PNKP: variants seen among roughly 807,000 people sequenced by gnomAD.
PNKP encodes bifunctional polynucleotide phosphatase/kinase.
PNKP carries 82 observed loss-of-function variants against 66.2 expected under a neutral mutation model. The ratio of observed to expected loss-of-function variants is 1.24; its 90% CI spans 1.04 to 1.49. The LOEUF is 1.49. Ranked by LOEUF, PNKP falls within the 40% of genes most tolerant of loss-of-function variation. The pLI, the probability that PNKP is intolerant of heterozygous loss-of-function variation, is 0.00. For synonymous variants in PNKP, 412 were observed against 298.9 expected (o/e 1.38, Z -3.90); for missense variants, 907 against 706.8 (o/e 1.28, Z -3.21).
chr19:49,865,005 A>G (rs2074807227), intron 4 of PNKP, 122 bp downstream of exon 4: 2 of 758,424 alleles, frequency 2.6e-6, no homozygotes, highest in Non-Finnish European at 4.4e-6. Context: ...CGATCCCTGC[A>G]TTTATCATTA....
chr19:49,861,496 C>CGTCA lies in PNKP; in HGVS notation c.1397_1400dup (p.Ser469GlyfsTer26). The stretch of plus-strand genomic sequence containing the variant: ...CTGACACGGGGATATGAGAGGAGTC[C>CGTCA]GTCATCTCTCGAAACTGTGGGGAAC... On this transcript the variant is annotated frameshift_variant, in exon 16 of 17. Coordinates refer to ENST00000322344, the MANE Select transcript of PNKP (RefSeq NM_007254.4). LOFTEE classifies it low-confidence loss of function (END_TRUNC). The CGTCA allele has an allele frequency of 6.2e-7, 1 of 1,611,844 alleles. No individual in the cohort carries two copies. Among genetic ancestry groups the CGTCA allele is most frequent in the African/African-American group, 1.3e-5 (1 of 74,498 alleles).
At chr19:49,862,323 C>T (rs761908364) in intron 11 of PNKP, 42 bp from the exon 12 acceptor site, 1 of 1,539,760 alleles carries the variant, frequency 6.5e-7, no homozygotes, top group Non-Finnish European at 8.8e-7. Context: ...CGTCCCCATC[C>T]CCGGGAGCCC....
rs557607051 is a variant in PNKP at position 49,866,600 on chromosome 19, T to A, written c.152-155A>T. ...GGCTCCTTGACATGCAGTAGCCAGA[T>A]AGTGGCACTAGGATTGCCTGACACT... On this transcript the variant is annotated intron_variant, in intron 2 of 16. Coordinates refer to ENST00000322344, the MANE Select transcript of PNKP (RefSeq NM_007254.4). 6.3e-5 allele frequency: 47 copies of A among 743,868 alleles called. No individual in the cohort carries two copies. The African/African-American group carries it at 7.2e-4, about 11-fold the overall frequency. The allele number at this position is 743,868 out of a possible 1,614,324, so 46.1% of individuals were successfully genotyped here.
At position 49,865,152 on chromosome 19, in the gene PNKP, G is replaced by T; in HGVS notation, c.473C>A (p.Ala158Glu). 6.2e-7 allele frequency: 1 copy of T among 1,614,130 alleles called. No homozygotes were observed. The highest frequency in any genetic ancestry group is 1.7e-5 in the Admixed American group (1 of 60,028). ...ENLEKLLVFT[A>E]AGVKPQGKVA... Reference sequence around the variant, plus strand: ...CTTGCCCTGGGGTTTCACCCCAGCTGCGGTGAACACTAGCAACTTCTCCAA... The same window carrying T: ...CTTGCCCTGGGGTTTCACCCCAGCTTCGGTGAACACTAGCAACTTCTCCAA... Residue 158 changes from alanine (A) to glutamate (E), a missense_variant, in exon 4 of 17, where the codon GCA becomes GAA. Transcript: ENST00000322344.
intron 3 of PNKP, 148 bp from the exon 4 acceptor site, chr19:49,865,574 G>T: frequency 5.1e-6 from 3 of 591,056 alleles, no homozygotes; most frequent in Non-Finnish European, 6.0e-6. Flanking sequence ...CTTTGGAACG[G>T]TTACAGGTTT....
Position 49,867,549 on chromosome 19 carries a change from G to T in PNKP, c.-94C>A, listed in dbSNP as rs1374087243. On this transcript the variant is annotated 5_prime_UTR_variant, in exon 1 of 17. Coordinates refer to ENST00000322344, the MANE Select transcript of PNKP (RefSeq NM_007254.4). Reference sequence around the variant, plus strand: ...GTGCCCCGCCTGCAACCCGGCCGGCGGCGGTCGGTTCCTCGGCGGACGGAA... The same window carrying T: ...GTGCCCCGCCTGCAACCCGGCCGGCTGCGGTCGGTTCCTCGGCGGACGGAA... 2 of 249,798 alleles carry T rather than the reference G, an allele frequency of 8.0e-6. No homozygotes were observed. Among genetic ancestry groups the T allele is most frequent in the African/African-American group, 6.6e-5 (2 of 30,104 alleles). The allele number at this position is 249,798 out of a possible 1,614,324, so 15.5% of individuals were successfully genotyped here. A position where few individuals can be genotyped will look rare whatever the true frequency, so the allele number is the denominator to read the frequency against.
At position 49,867,542 on chromosome 19, in the gene PNKP, G is replaced by A. The variant is rs1424884460; in HGVS notation, c.-87C>T. The A allele has an allele frequency of 1.1e-5, 4 of 366,170 alleles. No homozygotes were observed. The highest frequency in any genetic ancestry group is 6.0e-5 in the East Asian group (1 of 16,778). The allele number at this position is 366,170 out of a possible 1,614,324, so 22.7% of individuals were successfully genotyped here. On this transcript the variant is annotated 5_prime_UTR_variant, in exon 1 of 17. Transcript: ENST00000322344. ...GCCCGAGGTGCCCCGCCTGCAACCC[G>A]GCCGGCGGCGGTCGGTTCCTCGGCG...
At position 49,866,609 on chromosome 19, in the gene PNKP, T is replaced by G. The variant is rs867300712; in HGVS notation, c.152-164A>C. On this transcript the variant is annotated intron_variant, in intron 2 of 16. Transcript: ENST00000322344. The stretch of plus-strand genomic sequence containing the variant: ...ACATGCAGTAGCCAGATAGTGGCAC[T>G]AGGATTGCCTGACACTGGTCCTTGC... 1.2e-5 allele frequency: 9 copies of G among 732,052 alleles called. No homozygotes were observed. In the African/African-American group the frequency reaches 1.6e-4, roughly 13 times the overall value. 45.3% of individuals were successfully genotyped at this position (732,052 alleles called of 1,614,324 possible).
At chr19:49,866,033 G>A in intron 3 of PNKP, 1 of 341,858 alleles carries the variant, frequency 2.9e-6, no homozygotes, top group Non-Finnish European at 5.6e-6. Flanking sequence ...CTTTTTTTGA[G>A]ACAGGTTCTC....
chr19:49,864,583 G>A (rs550421933), intron 4 of PNKP, among the ~76,000 whole-genome samples, 180 bp from the exon 5 acceptor site: 1 of 152,246 alleles, frequency 6.6e-6, no homozygotes, highest in South Asian at 2.1e-4. Flanking sequence ...AGTGGGGCCC[G>A]ACATCTTAAC....
At chr19:49,862,786 C>G in intron 8 of PNKP, 48 bp from the exon 9 acceptor site, 1 of 1,605,500 alleles carries the variant, frequency 6.2e-7, no homozygotes, top group Non-Finnish European at 8.5e-7. Flanking sequence ...TGTCCCCCCG[C>G]AGCGGTAGCG....
rs773640159 is a variant in PNKP, at chr19:49,862,558, A to G, written c.916T>C (p.Phe306Leu). The G allele has an allele frequency of 3.1e-6, 5 of 1,612,338 alleles. No individual in the cohort carries two copies. In the South Asian group the frequency reaches 5.5e-5, roughly 18 times the overall value. Residue 306 changes from phenylalanine (F) to leucine (L), a missense_variant, in exon 10 of 17, where the codon TTC becomes CTC. Phe to Leu is a conservative substitution (Grantham distance 22). Transcript: ENST00000322344. ...CTCACCAGGCGATCGGCGCAGGAGA[A>G]GTCTTTCTTCTTCCGCCCCGGGGCC... is the stretch of plus-strand genomic sequence containing the variant. ...NWAPGRKKKD[F>L]SCADRLFALN...
At position 49,861,322 on chromosome 19, in the gene PNKP, T is replaced by G. The variant is rs753116883; in HGVS notation, c.1492A>C (p.Ile498Leu). ...APTLAEGFSA[I>L]LEIPFRLWVE... ...CATAGCCGGAACGGGATCTCCAGGA[T>G]GGCAGAGAAGCCTTCAGCCAGCGTT... The change falls in exon 17 of 17, where the codon ATC (isoleucine) becomes CTC (leucine). Residue 498 changes from isoleucine (I) to leucine (L), a missense_variant. By Grantham distance (5) the Ile-to-Leu change is conservative (BLOSUM62 2). Transcript: ENST00000322344. 26 of 1,614,108 alleles carry G rather than the reference T, an allele frequency of 1.6e-5. No homozygotes were observed. In the African/African-American group the frequency reaches 2.4e-4, roughly 15 times the overall value.
chr19:49,862,771 A>T (rs1013976753), intron 8 of PNKP, 33 bp from the exon 9 acceptor site: 5 of 1,612,626 alleles, frequency 3.1e-6, no homozygotes, highest in Admixed American at 1.7e-5. Context: ...GGCCCTTCCC[A>T]CAAATGTCCC....
rs1281900821 is a variant in PNKP, at chr19:49,861,783, C to T, written c.1287G>A (p.Ala429=). ...VAIDNTNPDA[A]SRARYVQCAR... The stretch of plus-strand genomic sequence containing the variant: ...CGCGGTCACGCTACCTGGCGCGGCT[C>T]GCGGCGTCTGGGTTTGTGTTGTCGA... The change falls in exon 14 of 17, where the codon GCG becomes GCA. Residue 429 remains alanine, a synonymous_variant. Transcript: ENST00000322344. The T allele has an allele frequency of 2.6e-6, 4 of 1,565,844 alleles. No individual in the cohort carries two copies. The highest frequency in any genetic ancestry group is 2.4e-5 in the East Asian group (1 of 41,390).
Position 49,862,213 on chromosome 19 carries a change from C to G in PNKP, c.1098G>C (p.Glu366Asp), listed in dbSNP as rs755340060. Residue 366 changes from glutamate (E) to aspartate (D), a missense_variant, in exon 12 of 17, where the codon GAG becomes GAC. Coordinates refer to ENST00000322344, the MANE Select transcript of PNKP (RefSeq NM_007254.4). ...ESRALLSASP[E>D]VVVAVGFPGA... ...CAGGGAATCCCACTGCGACAACCAC[C>G]TCCGGGCTGGCGCTCAGGAGGGCCC... 1.2e-6 allele frequency: 2 copies of G among 1,613,436 alleles called. No homozygotes were observed.
chr19:49,862,326 G>C (rs1438971018), intron 11 of PNKP, 45 bp from the exon 12 acceptor site: 1 of 1,536,356 alleles, frequency 6.5e-7, no homozygotes, highest in Non-Finnish European at 8.8e-7. Flanking sequence ...CCCCATCCCC[G>C]GGAGCCCTCC....
Position 49,864,380 on chromosome 19 carries a change from C to T in PNKP, c.522G>A (p.Gly174=), listed in dbSNP as rs779554596. ...TCCCAGAGCGTGTGGTGATGAGCGT[C>T]CCGTCCAGATCAAAGCCAGCCACCT... ...QGKVAGFDLD[G]TLITTRSGKV... The change falls in exon 5 of 17, where the codon GGG becomes GGA. Residue 174 remains glycine (G), a synonymous_variant. Coordinates refer to ENST00000322344, the MANE Select transcript of PNKP (RefSeq NM_007254.4). 6.8e-6 allele frequency: 11 copies of T among 1,613,912 alleles called. No individual in the cohort carries two copies. Among genetic ancestry groups the T allele is most frequent in the Non-Finnish European group, 8.5e-6 (10 of 1,179,918 alleles).
chr19:49,867,054 C>G lies in PNKP; in HGVS notation c.151G>C (p.Val51Leu), dbSNP rs753839317. 1 of 1,613,818 alleles carries G rather than the reference C, an allele frequency of 6.2e-7. No individual in the cohort carries two copies. The highest frequency in any genetic ancestry group is 8.5e-7 in the Non-Finnish European group (1 of 1,179,944). Reference sequence around the variant, plus strand: ...CCCCTCCAGCTCAGGCCCCGCTCACCTTGAGTTCTGGAGCACTTCCGGTCC... The same window carrying G: ...CCCCTCCAGCTCAGGCCCCGCTCACGTTGAGTTCTGGAGCACTTCCGGTCC... ...VTDRKCSRTQ[V>L]ELVADPETRT... Residue 51 changes from valine (V) to leucine (L), a missense_variant and splice_region_variant, in exon 2 of 17, where the codon GTG (valine) becomes CTG (leucine). By Grantham distance (32) the Val-to-Leu change is conservative. Coordinates refer to ENST00000322344, the MANE Select transcript of PNKP (RefSeq NM_007254.4).
Sources: allele counts gnomAD v4.1 joint callset (sites outside exome capture counted in the v4.1 genomes callset), GRCh38; gene constraint gnomAD v4.1.1; transcripts MANE v1.5; gene names NCBI Gene and HGNC (gene_info 2026-07-23, HGNC 2026-07-21).